The following TENM2 variants were observed in gnomAD, a reference collection of about 807,000 sequenced individuals.
TENM2 encodes teneurin-2.
TENM2 carries 52 observed loss-of-function variants against 245.2 expected under a neutral mutation model. The ratio of observed to expected loss-of-function variants is 0.21; its 90% CI spans 0.17 to 0.27. TENM2 has a LOEUF of 0.27. TENM2 is among the 10% of genes least tolerant of loss of function. The pLI is 1.00. For missense variants in TENM2, 3,046 were observed against 3,666.8 expected (o/e 0.83, Z 4.37); for synonymous variants, 1,363 against 1,438.9 (o/e 0.95, Z 1.19).
At chr5:167,879,971 A>G (rs970240121) in intron 3 of TENM2, among the ~76,000 whole-genome samples, 14 of 152,182 alleles carry the variant, frequency 9.2e-5, no homozygotes, top group African/African-American at 3.1e-4. Context: ...TGGCATCATA[A>G]AACAAATGAG....
intron 2 of TENM2, among the ~76,000 whole-genome samples, chr5:167,835,770 G>A (rs1269857655): frequency 1.3e-5 from 2 of 152,036 alleles, no homozygotes; most frequent in Non-Finnish European, 2.9e-5. Flanking sequence ...GGCAGAAGCA[G>A]CAAGACAATG....
chr5:167,023,443 G>A, the TENM2 span, among the ~76,000 whole-genome samples: 1 of 152,146 alleles, frequency 6.6e-6, no homozygotes, highest in Admixed American at 6.5e-5. Context: ...AACCATCAGA[G>A]GGTTAGTTGA....
intron 2 of TENM2, among the ~76,000 whole-genome samples, chr5:167,733,674 A>T (rs1316675170): frequency 6.6e-6 from 1 of 152,208 alleles, no homozygotes; most frequent in Non-Finnish European, 1.5e-5. Context: ...TGTAGCTGCT[A>T]ACTGAAACAA....
At chr5:167,447,942 G>A (rs1229765555) in intron 2 of TENM2, among the ~76,000 whole-genome samples, 1 of 152,104 alleles carries the variant, frequency 6.6e-6, no homozygotes, top group East Asian at 1.9e-4. Context: ...TATGAAATGA[G>A]ACCTAGGAGC....
At chr5:166,990,115 A>G in the TENM2 span, among the ~76,000 whole-genome samples, 1 of 152,128 alleles carries the variant, frequency 6.6e-6, no homozygotes, top group Admixed American at 6.5e-5. Flanking sequence ...AGTAATAAAT[A>G]ATAATGTGGG....
intron 2 of TENM2, among the ~76,000 whole-genome samples, chr5:167,794,349 T>C (rs1266283825): frequency 6.6e-6 from 1 of 152,208 alleles, no homozygotes; most frequent in African/African-American, 2.4e-5. Context: ...AAATAAATTG[T>C]TTTGGTCCTG....
chr5:168,009,096 C>T (rs1030978178), intron 5 of TENM2, among the ~76,000 whole-genome samples: 2 of 152,112 alleles, frequency 1.3e-5, no homozygotes, highest in African/African-American at 2.4e-5. Context: ...GCAAATTCTG[C>T]GAACCAAGAA....
At chr5:168,020,881 C>G (rs1329459267) in intron 5 of TENM2, among the ~76,000 whole-genome samples, 1 of 152,150 alleles carries the variant, frequency 6.6e-6, no homozygotes, top group African/African-American at 2.4e-5. Context: ...CTTGGTTCAC[C>G]CGTTCATCTG....
the TENM2 span, among the ~76,000 whole-genome samples, chr5:167,137,045 C>G: frequency 6.6e-6 from 1 of 152,184 alleles, no homozygotes; most frequent in Non-Finnish European, 1.5e-5. Flanking sequence ...TGGCTGCTTT[C>G]CTGCTGAGAC....
At chr5:167,151,040 C>T in the TENM2 span, among the ~76,000 whole-genome samples, 1 of 152,154 alleles carries the variant, frequency 6.6e-6, no homozygotes, top group Non-Finnish European at 1.5e-5. Flanking sequence ...ATCTTTCAAG[C>T]CTCTCCTGGC....
the TENM2 span, among the ~76,000 whole-genome samples, chr5:167,181,516 T>C: frequency 7.1e-6 from 1 of 141,142 alleles, no homozygotes; most frequent in Non-Finnish European, 1.5e-5. Flanking sequence ...GTGTATTTTC[T>C]TGTTCACGTA....
intron 8 of TENM2, among the ~76,000 whole-genome samples, chr5:168,096,594 A>G (rs1335582574): frequency 1.3e-5 from 2 of 152,224 alleles, no homozygotes; most frequent in Non-Finnish European, 2.9e-5. Flanking sequence ...AAAGAAAACA[A>G]AACTGTGTGA....
At chr5:167,952,606 G>C (rs1407982970) in exon 4 of TENM2, 1 of 1,611,330 alleles carries the variant, frequency 6.2e-7, no homozygotes, top group African/African-American at 1.3e-5. Context: ...AACCACCACA[G>C]CCAGTCGACT....
intron 12 of TENM2, among the ~76,000 whole-genome samples, chr5:168,157,747 G>C (rs1317322111): frequency 2.0e-4 from 31 of 152,106 alleles, no homozygotes; most frequent in Non-Finnish European, 1.5e-5. Flanking sequence ...GGGGAGGAAA[G>C]GTAAAGAGTC....
chr5:168,210,080 G>A (rs1362927148), intron 19 of TENM2, among the ~76,000 whole-genome samples: 1 of 152,104 alleles, frequency 6.6e-6, no homozygotes, highest in Non-Finnish European at 1.5e-5. Flanking sequence ...TGCACACAAA[G>A]CCTAGGCCTA....
chr5:168,234,476 A>T (rs1324232623), intron 25 of TENM2, among the ~76,000 whole-genome samples: 1 of 152,148 alleles, frequency 6.6e-6, no homozygotes. Context: ...AGAAAGAAAG[A>T]GATACAAGGT....
chr5:168,190,876 C>T (rs1221295478), intron 14 of TENM2: 1 of 184,562 alleles, frequency 5.4e-6, no homozygotes, highest in Non-Finnish European at 1.1e-5. Context: ...TTTAAAATGC[C>T]TCTGATAGTG....
At chr5:167,087,202 C>T in the TENM2 span, among the ~76,000 whole-genome samples, 4 of 152,196 alleles carry the variant, frequency 2.6e-5, no homozygotes, top group African/African-American at 7.2e-5. Flanking sequence ...ATACAAACCT[C>T]ATGCCTCCTT....
chr5:168,140,180 A>G (rs895003917), intron 12 of TENM2, among the ~76,000 whole-genome samples: 4 of 152,326 alleles, frequency 2.6e-5, no homozygotes, highest in Non-Finnish European at 2.9e-5. Flanking sequence ...TTGCACTTGC[A>G]TGGTGAATTT....
Sources: allele counts gnomAD v4.1 joint callset (sites outside exome capture counted in the v4.1 genomes callset), GRCh38; gene constraint gnomAD v4.1.1; transcripts MANE v1.5; gene names NCBI Gene and HGNC (gene_info 2026-07-23, HGNC 2026-07-21).